Variants in EIF4ENIF1 observed in about 807,000 individuals in gnomAD.
The protein encoded by EIF4ENIF1 is eukaryotic translation initiation factor 4E nuclear import factor 1.
EIF4ENIF1 carries 23 observed loss-of-function variants against 110.5 expected under a neutral mutation model. The ratio of observed to expected loss-of-function variants is 0.21; its 90% CI spans 0.15 to 0.29. EIF4ENIF1 has a LOEUF of 0.29. EIF4ENIF1 is among the 10% of genes least tolerant of loss of function. EIF4ENIF1 has a pLI of 1.00. For missense variants in EIF4ENIF1, 1,031 were observed against 1,221.1 expected (o/e 0.84, Z 2.32); for synonymous variants, 440 against 437.0 (o/e 1.01, Z -0.09).
upstream of EIF4ENIF1, among the ~76,000 whole-genome samples, chr22:31,491,267 C>T (rs1277879677): frequency 4.6e-5 from 7 of 152,258 alleles, no homozygotes. Flanking sequence ...TACAGAGACA[C>T]GTTGCAGGTG....
rs35466755 is a variant in EIF4ENIF1 at position 31,472,270 on chromosome 22, A to AC, written c.97-354_97-353insG. 2.8e-5 allele frequency among the ~76,000 whole-genome samples: 4 copies of AC among 142,166 alleles called. No individual in the cohort carries two copies. The Admixed American group carries it at 2.8e-4, about 10-fold the overall frequency. 93.3% of individuals were successfully genotyped at this position (142,166 alleles called of 152,430 possible). ...GCATTAGATGACAACTTACAAGGGG[A>AC]TTTTTTTTTTTTTTTTTACATGGAA... On this transcript the variant is annotated intron_variant, in intron 2 of 18. Transcript: ENST00000330125.
At chr22:31,489,438 C>A (rs373423924) in intron 1 of EIF4ENIF1, 1 of 151,922 alleles carries the variant, frequency 6.6e-6, no homozygotes, top group South Asian at 2.1e-4. Context: ...TCTCCCGGCC[C>A]GGGCGCTTCA....
intron 2 of EIF4ENIF1, among the ~76,000 whole-genome samples, chr22:31,474,643 T>G (rs2051508082): frequency 6.6e-6 from 1 of 152,116 alleles, no homozygotes; most frequent in Admixed American, 6.6e-5. Flanking sequence ...GTATCCTCAT[T>G]TGCTTGAAGG....
chr22:31,471,174 G>A (rs1264186892), intron 3 of EIF4ENIF1, among the ~76,000 whole-genome samples: 1 of 151,888 alleles, frequency 6.6e-6, no homozygotes, highest in African/African-American at 2.4e-5. Flanking sequence ...AATCTGAACG[G>A]CTGAATAGTT....
chr22:31,483,985 G>A (rs952076928), intron 2 of EIF4ENIF1, among the ~76,000 whole-genome samples: 3 of 152,130 alleles, frequency 2.0e-5, no homozygotes, highest in African/African-American at 7.2e-5. Context: ...ACTCTAACTT[G>A]AGGTCCTAAA....
Position 31,488,707 on chromosome 22 carries a change from TCTC to T in EIF4ENIF1, c.9_11del (p.Arg4del), listed in dbSNP as rs3834682. On this transcript the variant is annotated inframe_deletion, in exon 2 of 19. Transcript: ENST00000330125. Reference sequence around the variant, plus strand: ...CTCCACTTTCTGTTTCACCCATACTTCTCCTATCCATGGCTCCTTGGTCTACAA... The same window carrying T: ...CTCCACTTTCTGTTTCACCCATACTTCTATCCATGGCTCCTTGGTCTACAA... 9.5e-5 allele frequency: 154 copies of T among 1,614,042 alleles called. 1 individual carries two copies. The East Asian group carries it at 2.1e-3, about 22-fold the overall frequency.
In EIF4ENIF1 at chr22:31,449,576, C is replaced by G. The variant is rs1435143256; in HGVS notation, c.1585-45G>C. 4 of 1,569,282 alleles carry G rather than the reference C, an allele frequency of 2.5e-6. No individual in the cohort carries two copies. The African/African-American group carries it at 5.5e-5, about 21-fold the overall frequency. On this transcript the variant is annotated intron_variant, in intron 11 of 18. Coordinates refer to ENST00000330125, the MANE Select transcript of EIF4ENIF1 (RefSeq NM_019843.4). ...ATCCCTGTGAACTTAGTTATTCCTTCTACTCAGAGGCTGTGAATTATGGAT... is the reference window on the plus strand; with the variant it reads ...ATCCCTGTGAACTTAGTTATTCCTTGTACTCAGAGGCTGTGAATTATGGAT...
In EIF4ENIF1 at chr22:31,449,624, G is replaced by C. The variant is rs2050586784; in HGVS notation, c.1585-93C>G. ...GATTAACTTTTGAGAGCCACAAGAT[G>C]GATCTCCCTCATGCTCAACTGAAGG... On this transcript the variant is annotated intron_variant, in intron 11 of 18. Transcript: ENST00000330125. 3 of 1,176,818 alleles carry C rather than the reference G, an allele frequency of 2.5e-6. No homozygotes were observed. The South Asian group carries it at 4.6e-5, about 18-fold the overall frequency. The allele number at this position is 1,176,818 out of a possible 1,614,324, so 72.9% of individuals were successfully genotyped here.
At chr22:31,467,753 C>G (rs749168128) in intron 4 of EIF4ENIF1, among the ~76,000 whole-genome samples, 1 of 150,830 alleles carries the variant, frequency 6.6e-6, no homozygotes, top group Non-Finnish European at 1.5e-5. Flanking sequence ...ACCCAGGAGG[C>G]AGAGGTTGCA....
chr22:31,464,217 G>A, intron 4 of EIF4ENIF1: 1 of 443,946 alleles, frequency 2.3e-6, no homozygotes, highest in Non-Finnish European at 3.9e-6. Context: ...AGTCTTTGCA[G>A]TGCCTTTATT....
intron 2 of EIF4ENIF1, among the ~76,000 whole-genome samples, chr22:31,486,287 A>AT (rs2052024755): frequency 7.3e-5 from 1 of 13,674 alleles, no homozygotes; most frequent in Non-Finnish European, 1.6e-4. Context: ...AAAAAAATAA[A>AT]AATAAAAATA....
At chr22:31,461,605 G>T (rs908602265) in intron 6 of EIF4ENIF1, 2 of 152,154 alleles carry the variant, frequency 1.3e-5, no homozygotes, top group Non-Finnish European at 2.9e-5. Context: ...GCTAATTTTT[G>T]TATTTTCAAT....
intron 2 of EIF4ENIF1, among the ~76,000 whole-genome samples, chr22:31,480,489 G>A (rs1185751711): frequency 6.6e-6 from 1 of 152,210 alleles, no homozygotes; most frequent in Non-Finnish European, 1.5e-5. Flanking sequence ...CGGGCGTGGT[G>A]GCTCACGCCT....
intron 2 of EIF4ENIF1, among the ~76,000 whole-genome samples, chr22:31,472,493 C>A (rs1329919595): frequency 6.6e-6 from 1 of 152,034 alleles, no homozygotes; most frequent in Non-Finnish European, 1.5e-5. Flanking sequence ...GGTCTCAAAC[C>A]CCTGACCTCA....
chr22:31,447,529 C>T lies in EIF4ENIF1; in HGVS notation c.1885G>A (p.Gly629Arg). 1.2e-6 allele frequency: 2 copies of T among 1,609,348 alleles called. No homozygotes were observed. Among genetic ancestry groups the T allele is most frequent in the Non-Finnish European group, 1.7e-6 (2 of 1,177,198 alleles). Residue 629 changes from glycine to arginine, a missense_variant, in exon 14 of 19, where the codon GGG (glycine) becomes AGG (arginine). Gly to Arg is a moderately radical substitution (Grantham distance 125, BLOSUM62 -2). Transcript: ENST00000330125. ...QLELQQAALE[G>R]LALPHDLAVQ... ...GCAAGGTCATGTGGCAAGGCCAGCCCTTCTAAAGCTGCCTGTTGCAACTCC... is the reference window on the plus strand; with the variant it reads ...GCAAGGTCATGTGGCAAGGCCAGCCTTTCTAAAGCTGCCTGTTGCAACTCC...
intron 3 of EIF4ENIF1, among the ~76,000 whole-genome samples, chr22:31,469,308 G>A (rs776392831): frequency 1.3e-5 from 2 of 152,140 alleles, no homozygotes; most frequent in Admixed American, 6.6e-5. Context: ...CACTAGCAAC[G>A]TACTTCACAC....
chr22:31,482,047 T>C (rs890498653), intron 2 of EIF4ENIF1, among the ~76,000 whole-genome samples: 2 of 151,906 alleles, frequency 1.3e-5, no homozygotes, highest in Admixed American at 6.6e-5. Context: ...GACACACACC[T>C]GTAGTCCTAG....
chr22:31,466,735 C>T (rs1398027538), intron 4 of EIF4ENIF1, among the ~76,000 whole-genome samples: 1 of 152,002 alleles, frequency 6.6e-6, no homozygotes, highest in African/African-American at 2.4e-5. Flanking sequence ...AACGGTTTCA[C>T]AGGTATATAC....
At chr22:31,453,193 C>A (rs902729465) in intron 10 of EIF4ENIF1, among the ~76,000 whole-genome samples, 1 of 152,116 alleles carries the variant, frequency 6.6e-6, no homozygotes, top group Admixed American at 6.6e-5. Flanking sequence ...GTAAGAACTA[C>A]CCTCTCAAAA....
Sources: allele counts gnomAD v4.1 joint callset (sites outside exome capture counted in the v4.1 genomes callset), GRCh38; gene constraint gnomAD v4.1.1; transcripts MANE v1.5; gene names NCBI Gene and HGNC (gene_info 2026-07-23, HGNC 2026-07-21).